Variants in CPEB1 observed in about 807,000 individuals in gnomAD.
CPEB1 encodes cytoplasmic polyadenylation element binding protein 1.
Under a neutral mutation model 65.8 loss-of-function variants are expected in CPEB1, and 7 were observed. That is an observed-to-expected ratio of 0.11 (90% CI 0.06 to 0.20). The LOEUF (loss-of-function observed/expected upper bound fraction) is 0.20, where lower values mean the gene tolerates loss of function less well. Ranked by LOEUF, CPEB1 falls within the 10% of genes least tolerant of loss-of-function variation. The pLI, the probability that CPEB1 is intolerant of heterozygous loss-of-function variation, is 1.00. For synonymous variants in CPEB1, 262 were observed against 260.0 expected (o/e 1.01, Z -0.08); for missense variants, 551 against 712.2 (o/e 0.77, Z 2.58).
chr15:82,614,871 G>T (rs952891269), intron 3 of CPEB1, among the ~76,000 whole-genome samples: 5 of 118,996 alleles, frequency 4.2e-5, no homozygotes, highest in African/African-American at 1.5e-4. Context: ...GTGTGTGTGT[G>T]TGTGTGTGTA....
chr15:82,632,437 T>C (rs1317615695), intron 1 of CPEB1, among the ~76,000 whole-genome samples: 1 of 152,200 alleles, frequency 6.6e-6, no homozygotes, highest in South Asian at 2.1e-4. Flanking sequence ...TGTGACATAC[T>C]GGTGTTCCAA....
intron 1 of CPEB1, among the ~76,000 whole-genome samples, chr15:82,636,967 G>C (rs112371125): frequency 0.011 from 1,650 of 152,256 alleles, 31 homozygotes; most frequent in African/African-American, 0.037. Context: ...TTGGACCACA[G>C]ACCATTCTTC....
intron 3 of CPEB1, among the ~76,000 whole-genome samples, chr15:82,606,329 G>A (rs769442087): frequency 5.3e-5 from 8 of 151,604 alleles, no homozygotes; most frequent in East Asian, 3.9e-4. Context: ...AAAATTAGCC[G>A]GGCATGGTGA....
intron 3 of CPEB1, among the ~76,000 whole-genome samples, chr15:82,590,874 C>T (rs2042199233): frequency 6.6e-6 from 1 of 152,152 alleles, no homozygotes; most frequent in African/African-American, 2.4e-5. Context: ...GTGTAGTATT[C>T]CATGGTGTAT....
intron 3 of CPEB1, among the ~76,000 whole-genome samples, chr15:82,614,225 G>C (rs947940923): frequency 1.3e-5 from 2 of 152,088 alleles, no homozygotes; most frequent in African/African-American, 4.8e-5. Context: ...CTGAAGCCTC[G>C]AACTCCTGGG....
upstream of CPEB1, chr15:82,647,930 G>T: frequency 8.3e-7 from 1 of 1,207,826 alleles, no homozygotes; most frequent in Non-Finnish European, 1.0e-6. Context: ...GGCGAGAGAC[G>T]CGCACGCACG....
rs77547021 is a variant in CPEB1, at chr15:82,601,239, T to TAAA, written c.271+25951_271+25953dup. Among the ~76,000 whole-genome samples the TAAA allele has an allele frequency of 4.3e-3, 615 of 144,462 alleles. 1 individual carries two copies. Among genetic ancestry groups the TAAA allele is most frequent in the African/African-American group, 8.6e-3 (337 of 39,228 alleles). 94.8% of individuals were successfully genotyped at this position (144,462 alleles called of 152,430 possible). A position where few individuals can be genotyped will look rare whatever the true frequency, so the allele number is the denominator to read the frequency against. ...CTTGTCACTTCTAATGTGGTTTTCT[T>TAAA]AAAAAAAAAAAGATTTTTACACTGG... On this transcript the variant is annotated intron_variant, in intron 3 of 12. Transcript: ENST00000684509.
At chr15:82,645,706 A>G (rs2047449049) in intron 1 of CPEB1, among the ~76,000 whole-genome samples, 1 of 151,876 alleles carries the variant, frequency 6.6e-6, no homozygotes, top group Admixed American at 6.6e-5. Context: ...CATCTCTACT[A>G]AAAATACAAA....
intron 3 of CPEB1, among the ~76,000 whole-genome samples, chr15:82,589,026 G>A (rs142939916): frequency 9.2e-5 from 14 of 152,214 alleles, no homozygotes; most frequent in African/African-American, 2.9e-4. Context: ...CCCCGCAATC[G>A]TCTTGTTGAA....
chr15:82,570,221 TA>T (rs1161021939), intron 4 of CPEB1, among the ~76,000 whole-genome samples: 1 of 152,020 alleles, frequency 6.6e-6, no homozygotes, highest in Non-Finnish European at 1.5e-5. Context: ...CAAAGCATTC[TA>T]AAAAAAGACC....
chr15:82,632,944 G>C (rs1430583648), intron 1 of CPEB1, among the ~76,000 whole-genome samples: 2 of 152,114 alleles, frequency 1.3e-5, no homozygotes, highest in African/African-American at 4.8e-5. Flanking sequence ...TAGTCCATCT[G>C]AACTTTCATC....
At chr15:82,647,820 G>T, upstream of CPEB1, 1 of 1,282,804 alleles carries the variant, frequency 7.8e-7, no homozygotes, top group Non-Finnish European at 9.8e-7. Flanking sequence ...CGGCCGGGAC[G>T]CGGCCCCGCC....
chr15:82,606,535 A>AAAAG (rs59177780), intron 3 of CPEB1, among the ~76,000 whole-genome samples: 1,830 of 109,712 alleles, frequency 0.017, 103 homozygotes, highest in South Asian at 0.028. Flanking sequence ...AATACATAGT[A>AAAAG]AGGCCGGGCG....
At chr15:82,627,846 T>C (rs958676601) in intron 2 of CPEB1, among the ~76,000 whole-genome samples, 2 of 152,136 alleles carry the variant, frequency 1.3e-5, no homozygotes, top group Non-Finnish European at 2.9e-5. Context: ...ACCTTGCCAG[T>C]AAAGGACTTT....
At chr15:82,647,774 C>T (rs1038823947), upstream of CPEB1, 7 of 1,185,870 alleles carry the variant, frequency 5.9e-6, no homozygotes, top group Non-Finnish European at 7.4e-6. Flanking sequence ...GGTACCGCGG[C>T]GCCGGACCCG....
intron 3 of CPEB1, among the ~76,000 whole-genome samples, chr15:82,613,895 CG>C (rs1418608453): frequency 6.6e-6 from 1 of 152,012 alleles, no homozygotes; most frequent in Non-Finnish European, 1.5e-5. Context: ...TGGGACAGCC[CG>C]GGAGGCTGCC....
At chr15:82,547,288 A>ATTTTT in intron 10 of CPEB1, 51 bp from the exon 11 acceptor site, 1 of 642,706 alleles carries the variant, frequency 1.6e-6, no homozygotes, top group Non-Finnish European at 2.3e-6. Context: ...CCCAAATGCT[A>ATTTTT]CTTTTTTTTT....
At chr15:82,639,077 G>A (rs760848920) in intron 1 of CPEB1, among the ~76,000 whole-genome samples, 2 of 152,170 alleles carry the variant, frequency 1.3e-5, no homozygotes, top group African/African-American at 2.4e-5. Context: ...GGGTTTTGGT[G>A]ACCACTAGGC....
At chr15:82,642,727 C>G (rs1310580617) in intron 1 of CPEB1, among the ~76,000 whole-genome samples, 2 of 152,160 alleles carry the variant, frequency 1.3e-5, no homozygotes, top group African/African-American at 4.8e-5. Context: ...GGCAAATTCT[C>G]CCCAGAGTCA....
Sources: allele counts gnomAD v4.1 joint callset (sites outside exome capture counted in the v4.1 genomes callset), GRCh38; gene constraint gnomAD v4.1.1; transcripts MANE v1.5; gene names NCBI Gene and HGNC (gene_info 2026-07-23, HGNC 2026-07-21).